The following GTF2E2 variants were observed in gnomAD, a reference collection of about 807,000 sequenced individuals.
GTF2E2 encodes general transcription factor IIE subunit 2.
Under a neutral mutation model 40.5 loss-of-function variants are expected in GTF2E2, and 21 were observed. That is an observed-to-expected ratio of 0.52 (90% CI 0.37 to 0.75). The LOEUF (loss-of-function observed/expected upper bound fraction) is 0.75. Among genes scored for constraint, GTF2E2 ranks in the 30% least tolerant of loss-of-function variants. GTF2E2 has a pLI of 0.00. For synonymous variants in GTF2E2, 117 were observed against 121.6 expected, an observed-to-expected ratio of 0.96 and a Z score of 0.25; for missense variants, 298 against 338.4, an observed-to-expected ratio of 0.88 and a Z score of 0.94.
chr8:30,645,532 A>T (rs779604816), intron 2 of GTF2E2: 1 of 1,535,726 alleles, frequency 6.5e-7, no homozygotes, highest in South Asian at 1.2e-5. Flanking sequence ...AGACTTGAAA[A>T]GTGAACCCAA....
At position 30,580,342 on chromosome 8, in the gene GTF2E2, A is replaced by G. The variant is rs752941531; in HGVS notation, c.698T>C (p.Ile233Thr). Residue 233 changes from isoleucine (I) to threonine (T), a missense_variant, in exon 7 of 8, where the codon ATT becomes ACT. Coordinates refer to ENST00000355904, the MANE Select transcript of GTF2E2 (RefSeq NM_002095.6). ...ACCCTGTCGCTTCAGATATTCTTCAATTTTCTCCTCGTCCATGGAATCTAC... is the reference window on the plus strand; with the variant it reads ...ACCCTGTCGCTTCAGATATTCTTCAGTTTTCTCCTCGTCCATGGAATCTAC... Reference protein sequence around the residue: ...VTVDSMDEEKIEEYLKRQGIS... With the variant: ...VTVDSMDEEKTEEYLKRQGIS... 6.2e-7 allele frequency: 1 copy of G among 1,611,922 alleles called. No homozygotes were observed.
At chr8:30,630,781 C>A (rs1203877331) in intron 3 of GTF2E2, among the ~76,000 whole-genome samples, 1 of 152,096 alleles carries the variant, frequency 6.6e-6, no homozygotes, top group African/African-American at 2.4e-5. Flanking sequence ...CATTACTGGG[C>A]TTCTTGTCTT....
intron 6 of GTF2E2, among the ~76,000 whole-genome samples, chr8:30,599,699 A>G (rs184585962): frequency 9.9e-4 from 150 of 152,080 alleles, no homozygotes; most frequent in African/African-American, 3.5e-3. Flanking sequence ...AAAAATAACG[A>G]TCAGGCAGGG....
intron 3 of GTF2E2, among the ~76,000 whole-genome samples, chr8:30,622,097 A>G (rs906690883): frequency 1.3e-5 from 2 of 148,516 alleles, no homozygotes; most frequent in South Asian, 2.2e-4. Flanking sequence ...TACATTAGGT[A>G]TATCTCCTAA....
intron 4 of GTF2E2, among the ~76,000 whole-genome samples, chr8:30,614,306 G>A (rs545740705): frequency 2.6e-5 from 4 of 152,280 alleles, no homozygotes; most frequent in South Asian, 2.1e-4. Context: ...TAGGCAAGGC[G>A]CAGTGGCTCA....
At chr8:30,649,800 TG>T in intron 2 of GTF2E2, among the ~76,000 whole-genome samples, 2 of 152,316 alleles carry the variant, frequency 1.3e-5, no homozygotes, top group Middle Eastern at 6.8e-3. Context: ...ATATCACTAC[TG>T]ACTTTATAGA....
intron 6 of GTF2E2, among the ~76,000 whole-genome samples, chr8:30,604,520 TACAC>T (rs990734668): frequency 6.6e-6 from 1 of 152,218 alleles, no homozygotes; most frequent in African/African-American, 2.4e-5. Context: ...ATTAATCAGG[TACAC>T]ACAGTGGAAT....
At chr8:30,581,217 T>C (rs1828507369) in intron 6 of GTF2E2, among the ~76,000 whole-genome samples, 1 of 152,152 alleles carries the variant, frequency 6.6e-6, no homozygotes, top group African/African-American at 2.4e-5. Flanking sequence ...GCCCCGAGGC[T>C]TCACAGAGCC....
At chr8:30,634,563 G>A (rs1801529411) in intron 3 of GTF2E2, among the ~76,000 whole-genome samples, 1 of 152,124 alleles carries the variant, frequency 6.6e-6, no homozygotes. Context: ...TAATTCTTTT[G>A]TGAGTCAATG....
intron 2 of GTF2E2, among the ~76,000 whole-genome samples, chr8:30,641,389 G>T (rs546593625): frequency 1.3e-5 from 2 of 152,204 alleles, no homozygotes; most frequent in Admixed American, 6.5e-5. Flanking sequence ...TTGAGACAGG[G>T]TCTCACTCTA....
chr8:30,635,021 A>G lies in GTF2E2; in HGVS notation c.258+11T>C, dbSNP rs1362966527. 7 of 1,465,234 alleles carry G rather than the reference A, an allele frequency of 4.8e-6. No individual in the cohort carries two copies. The highest frequency in any genetic ancestry group is 6.6e-6 in the Non-Finnish European group (7 of 1,054,760). The allele number at this position is 1,465,234 out of a possible 1,614,324, so 90.8% of individuals were successfully genotyped here. A position where few individuals can be genotyped will look rare whatever the true frequency, so the allele number is the denominator to read the frequency against. ...TAAATAGGACTTTTGCTATCTGAGA[A>G]AAGTACTTACCTTCATGTAATTCAC... On this transcript the variant is annotated intron_variant, in intron 3 of 7. Transcript: ENST00000355904.
chr8:30,656,094 G>A (rs1168505540), intron 1 of GTF2E2, among the ~76,000 whole-genome samples: 1 of 152,080 alleles, frequency 6.6e-6, no homozygotes, highest in Non-Finnish European at 1.5e-5. Context: ...GATTACAGGC[G>A]TGAGTCACCG....
intron 6 of GTF2E2, among the ~76,000 whole-genome samples, chr8:30,602,120 C>T (rs1829197399): frequency 6.6e-6 from 1 of 151,698 alleles, no homozygotes; most frequent in Non-Finnish European, 1.5e-5. Context: ...CAGGTTCATG[C>T]GATTCTTGTG....
At chr8:30,620,216 T>C (rs6993734) in intron 3 of GTF2E2, among the ~76,000 whole-genome samples, 71,072 of 148,492 alleles carry the variant, frequency 0.48, 16,900 homozygotes, top group Middle Eastern at 0.54. Context: ...ACAGCAGCAA[T>C]AGGAAACTTA....
At chr8:30,646,808 C>T (rs59018581) in intron 2 of GTF2E2, among the ~76,000 whole-genome samples, 3,271 of 151,738 alleles carry the variant, frequency 0.022, 111 homozygotes, top group African/African-American at 0.073. Flanking sequence ...GGTGAAACCC[C>T]GTCTATACTA....
At chr8:30,600,887 GCACT>G (rs1829159083) in intron 6 of GTF2E2, among the ~76,000 whole-genome samples, 1 of 152,156 alleles carries the variant, frequency 6.6e-6, no homozygotes, top group African/African-American at 2.4e-5. Flanking sequence ...TGAAGTGTGC[GCACT>G]CAGAGTTCCT....
chr8:30,647,182 CACTAGGTATTATAAAAGACTTTTTTTAA>C (rs1802116373), intron 2 of GTF2E2, among the ~76,000 whole-genome samples: 1 of 151,926 alleles, frequency 6.6e-6, no homozygotes, highest in Non-Finnish European at 1.5e-5. Flanking sequence ...CAAAAAAAAG[CACTAGGTATTATAAAAGACTTTTTTTAA>C]ATCTCTATTA....
intron 3 of GTF2E2, among the ~76,000 whole-genome samples, chr8:30,633,999 A>G (rs115939021): frequency 2.2e-3 from 339 of 152,350 alleles, no homozygotes; most frequent in African/African-American, 7.8e-3. Context: ...CAATAGATGG[A>G]TGAAATTAAA....
chr8:30,602,173 A>G lies in GTF2E2; in HGVS notation c.643+4884T>C, dbSNP rs376695796. ...GCTGGGATTACAGACACGCACCAGC[A>G]TGTCCGGCTAATTTTTGTACTTTTA... On this transcript the variant is annotated intron_variant, in intron 6 of 7. Transcript: ENST00000355904. Among the ~76,000 whole-genome samples the G allele has an allele frequency of 3.4e-3, 523 of 152,146 alleles. 4 individuals are homozygous for G. Among genetic ancestry groups the G allele is most frequent in the African/African-American group, 0.012 (491 of 41,514 alleles).
Sources: allele counts gnomAD v4.1 joint callset (sites outside exome capture counted in the v4.1 genomes callset), GRCh38; gene constraint gnomAD v4.1.1; transcripts MANE v1.5; gene names NCBI Gene and HGNC (gene_info 2026-07-23, HGNC 2026-07-21).